BMPR1B: variants seen among roughly 807,000 people sequenced by gnomAD.
BMPR1B encodes the protein bone morphogenetic protein receptor type-1B.
BMPR1B carries 12 observed loss-of-function variants against 59.1 expected under a neutral mutation model. The observed-to-expected ratio is 0.20, with a 90% confidence interval of 0.13 to 0.33. The LOEUF is 0.33. BMPR1B is among the 10% of genes least tolerant of loss of function. The pLI is 1.00. For synonymous variants in BMPR1B, 237 were observed against 207.3 expected (o/e 1.14, Z -1.23); for missense variants, 550 against 610.9 (o/e 0.90, Z 1.05).
At position 95,105,480 on chromosome 4, in the gene BMPR1B, T is replaced by A. The variant is rs557660553; in HGVS notation, c.143+913T>A. On this transcript the variant is annotated intron_variant, in intron 4 of 12. Coordinates refer to ENST00000515059, the MANE Select transcript of BMPR1B (RefSeq NM_001203.3). Reference sequence around the variant, plus strand: ...ACGCAAAGCTGAGTTGAATGCTTTTTTTTTTTCCTTTCTGAGAGCTTTTTA... The same window carrying A: ...ACGCAAAGCTGAGTTGAATGCTTTTATTTTTTCCTTTCTGAGAGCTTTTTA... Among the ~76,000 whole-genome samples, 176 of 152,136 alleles carry A rather than the reference T, an allele frequency of 1.2e-3. 1 individual carries two copies. The highest frequency in any genetic ancestry group is 4.1e-3 in the African/African-American group (171 of 41,530).
intron 3 of BMPR1B, among the ~76,000 whole-genome samples, chr4:95,084,189 CT>C (rs976107237): frequency 6.6e-6 from 1 of 151,142 alleles, no homozygotes; most frequent in African/African-American, 2.4e-5. Flanking sequence ...ATATATCTAA[CT>C]TATGATATAT....
intron 10 of BMPR1B, among the ~76,000 whole-genome samples, chr4:95,137,663 G>A (rs1277060720): frequency 6.6e-6 from 1 of 152,008 alleles, no homozygotes; most frequent in East Asian, 1.9e-4. Context: ...TTATGTAATG[G>A]CCTTCTTTGT....
At chr4:95,013,719 A>G (rs536973441) in intron 3 of BMPR1B, among the ~76,000 whole-genome samples, 2 of 151,146 alleles carry the variant, frequency 1.3e-5, no homozygotes, top group South Asian at 2.1e-4. Flanking sequence ...ATCAACCCAC[A>G]TTGAAGTCTA....
intron 3 of BMPR1B, among the ~76,000 whole-genome samples, chr4:95,096,757 A>ATATATATATAAC (rs1560649936): frequency 2.2e-5 from 3 of 138,060 alleles, no homozygotes; most frequent in African/African-American, 8.0e-5. Context: ...ATATATAGTT[A>ATATATATATAAC]TATATAACTA....
chr4:94,824,288 T>A (rs947344869), intron 1 of BMPR1B, among the ~76,000 whole-genome samples: 1 of 152,216 alleles, frequency 6.6e-6, no homozygotes, highest in African/African-American at 2.4e-5. Flanking sequence ...CGTAACTTTT[T>A]CCTTCTCCAT....
At chr4:94,986,220 G>A (rs956355325) in intron 2 of BMPR1B, among the ~76,000 whole-genome samples, 1 of 152,054 alleles carries the variant, frequency 6.6e-6, no homozygotes, top group African/African-American at 2.4e-5. Flanking sequence ...ATGAAAAAAA[G>A]TTTAAGGATT....
chr4:95,001,645 A>G (rs897424649), intron 3 of BMPR1B, among the ~76,000 whole-genome samples: 4 of 152,188 alleles, frequency 2.6e-5, no homozygotes, highest in Non-Finnish European at 4.4e-5. Flanking sequence ...TTGTTTTATA[A>G]TTTTGTTTAA....
In BMPR1B at chr4:95,121,847, T is replaced by C. The variant is rs574849785; in HGVS notation, c.350-1963T>C. Among the ~76,000 whole-genome samples, 46 of 152,298 alleles carry C rather than the reference T, an allele frequency of 3.0e-4. 1 individual carries two copies. In the South Asian group the frequency reaches 8.9e-3, roughly 30 times the overall value. Reference sequence around the variant, plus strand: ...GAAAAGACTTAAAATATATATCTTATGAACTAACACACCTACTTCTGGGAA... The same window carrying C: ...GAAAAGACTTAAAATATATATCTTACGAACTAACACACCTACTTCTGGGAA... On this transcript the variant is annotated intron_variant, in intron 6 of 12. Coordinates refer to ENST00000515059, the MANE Select transcript of BMPR1B (RefSeq NM_001203.3).
intron 2 of BMPR1B, among the ~76,000 whole-genome samples, chr4:94,957,372 ATG>A: frequency 8.4e-6 from 1 of 119,752 alleles, no homozygotes; most frequent in East Asian, 2.3e-4. Flanking sequence ...CTTTTGCAAC[ATG>A]TGTGTGGGAG....
intron 1 of BMPR1B, among the ~76,000 whole-genome samples, chr4:94,849,766 G>A (rs1197663343): frequency 6.7e-6 from 1 of 149,146 alleles, no homozygotes; most frequent in Non-Finnish European, 1.5e-5. Flanking sequence ...GATGTGATGG[G>A]GCATAATAAG....
At chr4:94,823,203 T>G (rs1724265147) in intron 1 of BMPR1B, among the ~76,000 whole-genome samples, 1 of 152,180 alleles carries the variant, frequency 6.6e-6, no homozygotes, top group African/African-American at 2.4e-5. Context: ...TAAATTAACC[T>G]CACCAAAGAG....
At chr4:95,005,364 A>C (rs151168268) in intron 3 of BMPR1B, among the ~76,000 whole-genome samples, 1 of 152,196 alleles carries the variant, frequency 6.6e-6, no homozygotes, top group Non-Finnish European at 1.5e-5. Flanking sequence ...CTGAGATCAA[A>C]TACTGGTTTA....
chr4:95,112,941 A>G (rs147773084), intron 4 of BMPR1B, among the ~76,000 whole-genome samples: 1 of 152,124 alleles, frequency 6.6e-6, no homozygotes, highest in Admixed American at 6.6e-5. Context: ...AATTTAGGGT[A>G]CTTCTCTAGC....
chr4:94,978,465 G>A (rs1333955510), intron 2 of BMPR1B, among the ~76,000 whole-genome samples: 2 of 152,156 alleles, frequency 1.3e-5, no homozygotes, highest in Admixed American at 6.5e-5. Flanking sequence ...GGATGGTTTG[G>A]CCTTTCTGCC....
chr4:94,885,879 A>G lies in BMPR1B; in HGVS notation c.-113+9979A>G, dbSNP rs143576336. 3.6e-3 allele frequency among the ~76,000 whole-genome samples: 549 copies of G among 152,324 alleles called. 5 individuals carry two copies. Among genetic ancestry groups the G allele is most frequent in the African/African-American group, 0.012 (516 of 41,578 alleles). On this transcript the variant is annotated intron_variant, in intron 2 of 12. Transcript: ENST00000515059. ...CCTGGTCACACAATCCTGGAAATGTAGCATTCACAGTGAAAGGATGTACTT... is the reference window on the plus strand; with the variant it reads ...CCTGGTCACACAATCCTGGAAATGTGGCATTCACAGTGAAAGGATGTACTT...
At position 95,157,953 on chromosome 4, in the gene BMPR1B, A is replaced by G. The variant is rs545888520; in HGVS notation, c.*3280A>G. 7.2e-5 allele frequency: 11 copies of G among 152,348 alleles called. 1 individual carries two copies. Among genetic ancestry groups the G allele is most frequent in the African/African-American group, 2.6e-4 (11 of 41,582 alleles). The allele number at this position is 152,348 out of a possible 1,614,324, so 9.4% of individuals were successfully genotyped here. ...CATTTCAATTGGTGTGTAGTCAAGT[A>G]TAGCAAGTACTTAATAATGACTGAA... On this transcript the variant is annotated 3_prime_UTR_variant, in exon 13 of 13. Coordinates refer to ENST00000515059, the MANE Select transcript of BMPR1B (RefSeq NM_001203.3).
intron 6 of BMPR1B, among the ~76,000 whole-genome samples, chr4:95,119,825 G>C (rs916407772): frequency 1.3e-5 from 2 of 152,072 alleles, no homozygotes; most frequent in African/African-American, 4.8e-5. Context: ...CATGAAGTTT[G>C]GATAAGAAAT....
intron 10 of BMPR1B, among the ~76,000 whole-genome samples, chr4:95,139,850 A>G (rs1734089504): frequency 6.6e-6 from 1 of 152,140 alleles, no homozygotes; most frequent in Admixed American, 6.6e-5. Flanking sequence ...TCCCTTGGCT[A>G]GGAAAGGGAA....
At chr4:94,766,865 C>G (rs1028649313) in intron 1 of BMPR1B, among the ~76,000 whole-genome samples, 13 of 152,004 alleles carry the variant, frequency 8.6e-5, no homozygotes, top group Non-Finnish European at 1.9e-4. Context: ...GATTGGTAAT[C>G]TACATTTCAA....
Sources: allele counts gnomAD v4.1 joint callset (sites outside exome capture counted in the v4.1 genomes callset), GRCh38; gene constraint gnomAD v4.1.1; transcripts MANE v1.5; gene names NCBI Gene and HGNC (gene_info 2026-07-23, HGNC 2026-07-21).